Variants in KANK1 observed in about 807,000 individuals in gnomAD.
KANK1 encodes the protein KN motif and ankyrin repeat domains 1.
Under a neutral mutation model 106.2 loss-of-function variants are expected in KANK1, and 109 were observed. The observed-to-expected ratio is 1.03, with a 90% confidence interval of 0.88 to 1.20. The LOEUF is 1.20. KANK1 is among the 50% of genes most tolerant of loss of function. KANK1 has a pLI of 0.00. For synonymous variants in KANK1, 873 were observed against 652.2 expected, an observed-to-expected ratio of 1.34 and a Z score of -5.16; for missense variants, 2,399 against 1,710.7, an observed-to-expected ratio of 1.40 and a Z score of -7.10.
chr9:530,445 T>G (rs1167398421), intron 1 of KANK1, among the ~76,000 whole-genome samples: 1 of 152,178 alleles, frequency 6.6e-6, no homozygotes, highest in African/African-American at 2.4e-5. Flanking sequence ...TGGCTACTGG[T>G]TTTCCCAGTC....
chr9:702,351 C>G (rs1822892841), intron 2 of KANK1, among the ~76,000 whole-genome samples: 1 of 152,186 alleles, frequency 6.6e-6, no homozygotes, highest in African/African-American at 2.4e-5. Flanking sequence ...GTTTGCTTCA[C>G]TTCTGCCTTT....
intron 1 of KANK1, among the ~76,000 whole-genome samples, chr9:599,723 G>C (rs1827238153): frequency 1.3e-5 from 2 of 151,794 alleles, no homozygotes; most frequent in African/African-American, 4.9e-5. Context: ...TAGAGTACTT[G>C]AGGGATGCAA....
chr9:619,809 G>T (rs1041295271), intron 1 of KANK1, among the ~76,000 whole-genome samples: 1 of 152,084 alleles, frequency 6.6e-6, no homozygotes, highest in African/African-American at 2.4e-5. Context: ...CCACTGGTGA[G>T]ATTGTTTTTC....
chr9:683,103 G>A (rs1274983443), intron 2 of KANK1, among the ~76,000 whole-genome samples: 1 of 152,154 alleles, frequency 6.6e-6, no homozygotes, highest in Non-Finnish European at 1.5e-5. Flanking sequence ...CACAGCAGAG[G>A]CAGTGTGCGC....
intron 1 of KANK1, among the ~76,000 whole-genome samples, chr9:593,330 C>G (rs1372246513): frequency 6.6e-6 from 1 of 151,402 alleles, no homozygotes; most frequent in African/African-American, 2.4e-5. Flanking sequence ...AACATACAGA[C>G]AAAAAAAGGA....
At chr9:505,380 C>G (rs2132603158) in intron 1 of KANK1, among the ~76,000 whole-genome samples, 1 of 152,278 alleles carries the variant, frequency 6.6e-6, no homozygotes, top group Admixed American at 6.5e-5. Flanking sequence ...GCTGCGGCCT[C>G]TGGGGCGGCC....
intron 1 of KANK1, among the ~76,000 whole-genome samples, chr9:607,702 C>G (rs576353512): frequency 4.5e-4 from 68 of 151,722 alleles, no homozygotes; most frequent in African/African-American, 1.6e-3. Context: ...GGAAACTTTG[C>G]TGGCAGGGCT....
chr9:493,288 G>A (rs1260542932), intron 3 of KANK1, among the ~76,000 whole-genome samples: 3 of 152,104 alleles, frequency 2.0e-5, no homozygotes, highest in African/African-American at 7.2e-5. Context: ...CCATGTCATG[G>A]GACAGTTCAC....
chr9:639,991 C>T (rs986316636), intron 1 of KANK1, among the ~76,000 whole-genome samples: 2 of 152,132 alleles, frequency 1.3e-5, no homozygotes, highest in African/African-American at 2.4e-5. Flanking sequence ...AATGCCATCC[C>T]GTTGAAGGTT....
intron 1 of KANK1, among the ~76,000 whole-genome samples, chr9:514,134 CCCTCCCTCCCTT>C (rs2059158656): frequency 2.0e-5 from 2 of 98,962 alleles, no homozygotes; most frequent in African/African-American, 1.3e-4. Context: ...CTCTCTCCCT[CCCTCCCTCCCTT>C]CCTCTCTCCC....
chr9:710,495 G>A lies in KANK1; in HGVS notation c.38-309G>A, dbSNP rs541940628. On this transcript the variant is annotated intron_variant, in intron 2 of 11. Transcript: ENST00000382297. Reference sequence around the variant, plus strand: ...TAGCCAGGCGTGGTGGTGCACCCCTGTAATCCCAGCAACTCAGGAGGCTGA... The same window carrying A: ...TAGCCAGGCGTGGTGGTGCACCCCTATAATCCCAGCAACTCAGGAGGCTGA... 7.2e-5 allele frequency among the ~76,000 whole-genome samples: 11 copies of A among 151,890 alleles called. 1 individual carries two copies. Among genetic ancestry groups the A allele is most frequent in the African/African-American group, 2.7e-4 (11 of 41,450 alleles).
At chr9:613,265 C>T (rs1291858411) in intron 1 of KANK1, among the ~76,000 whole-genome samples, 1 of 150,518 alleles carries the variant, frequency 6.6e-6, no homozygotes, top group East Asian at 1.9e-4. Context: ...AAGTAGTCAC[C>T]ATATAGGGAC....
rs779220755 is a variant in KANK1 at position 732,350 on chromosome 9, A to G, written c.3006-28A>G. 5.0e-6 allele frequency: 8 copies of G among 1,597,974 alleles called. No homozygotes were observed. The African/African-American group carries it at 9.4e-5, about 19-fold the overall frequency. ...CTGGGTCTTCGTGAGCACACCTTGC[A>G]TCTCCTGAAATCCCAATTGCCACCT... On this transcript the variant is annotated intron_variant, in intron 5 of 11. Coordinates refer to ENST00000382297, the MANE Select transcript of KANK1 (RefSeq NM_015158.5).
intron 1 of KANK1, among the ~76,000 whole-genome samples, chr9:610,460 A>G (rs16921050): frequency 0.059 from 8,931 of 152,222 alleles, 848 homozygotes; most frequent in African/African-American, 0.2. Flanking sequence ...ACTGGTTTAG[A>G]TACATGATTT....
At chr9:518,510 G>A (rs996719693) in intron 1 of KANK1, among the ~76,000 whole-genome samples, 1 of 151,670 alleles carries the variant, frequency 6.6e-6, no homozygotes, top group Admixed American at 6.6e-5. Context: ...CGGAGCATGG[G>A]TTCTAGAATC....
At chr9:706,492 A>C (rs1410541796) in intron 2 of KANK1, among the ~76,000 whole-genome samples, 3 of 151,960 alleles carry the variant, frequency 2.0e-5, no homozygotes, top group Admixed American at 6.6e-5. Context: ...GAGTTACACC[A>C]AAATATTAAC....
rs72689635 is a variant in KANK1, at chr9:567,593, T to C, written c.-84+62839T>C. 4.8e-3 allele frequency among the ~76,000 whole-genome samples: 731 copies of C among 152,332 alleles called. 10 individuals carry two copies. The highest frequency in any genetic ancestry group is 0.017 in the African/African-American group (687 of 41,574). ...CTCTTCTAAGTACCTTCTGCATTGA[T>C]TGGAGCCAGCAAAGAGAACTTTTGC... On this transcript the variant is annotated intron_variant, in intron 1 of 11. Coordinates refer to ENST00000382297, the MANE Select transcript of KANK1 (RefSeq NM_015158.5).
chr9:530,096 C>T (rs10975002), intron 1 of KANK1, among the ~76,000 whole-genome samples: 1 of 152,180 alleles, frequency 6.6e-6, no homozygotes, highest in East Asian at 1.9e-4. Context: ...TGTTCATATC[C>T]TTTGCCATTG....
chr9:539,500 C>G (rs867787091), intron 1 of KANK1: 1 of 151,814 alleles, frequency 6.6e-6, no homozygotes, highest in African/African-American at 2.4e-5. Flanking sequence ...TTCATTCTTT[C>G]TTTTTTTTGA....
Sources: gnomAD v4.1 joint callset for allele counts (sites outside exome capture counted in the v4.1 genomes callset) on GRCh38, gnomAD v4.1.1 for gene constraint, MANE v1.5 for transcripts, NCBI Gene and HGNC (gene_info 2026-07-23, HGNC 2026-07-21) for gene names.